The following RAD51B variants were observed in gnomAD, a reference collection of about 807,000 sequenced individuals.
RAD51B encodes DNA repair protein RAD51 homolog 2.
A neutral mutation model predicts 42.2 loss-of-function variants in RAD51B; 38 were observed. That is an observed-to-expected ratio of 0.90 (90% CI 0.70 to 1.18). RAD51B has a LOEUF of 1.18. RAD51B is among the 50% of genes most tolerant of loss of function. RAD51B has a pLI of 0.00. For missense variants in RAD51B, 373 were observed against 400.7 expected, an observed-to-expected ratio of 0.93 and a Z score of 0.59; for synonymous variants, 154 against 145.2, an observed-to-expected ratio of 1.06 and a Z score of -0.43.
chr14:68,505,995 C>G (rs1791123021), intron 10 of RAD51B, among the ~76,000 whole-genome samples: 2 of 152,154 alleles, frequency 1.3e-5, no homozygotes. Flanking sequence ...GCCAAAATCC[C>G]TAGAGGGATA....
At chr14:68,441,212 A>G (rs1220794967) in intron 9 of RAD51B, among the ~76,000 whole-genome samples, 1 of 152,198 alleles carries the variant, frequency 6.6e-6, no homozygotes, top group African/African-American at 2.4e-5. Flanking sequence ...CAGAAATAAC[A>G]TGAGAAGACC....
At chr14:68,572,689 C>T (rs1036724654) in intron 10 of RAD51B, among the ~76,000 whole-genome samples, 2 of 152,150 alleles carry the variant, frequency 1.3e-5, no homozygotes, top group Non-Finnish European at 2.9e-5. Flanking sequence ...CTTGTCCCGA[C>T]CTCCCAGTGG....
At chr14:67,982,916 T>G (rs1268775796) in intron 7 of RAD51B, among the ~76,000 whole-genome samples, 2 of 151,916 alleles carry the variant, frequency 1.3e-5, no homozygotes, top group African/African-American at 4.8e-5. Context: ...ATTTAAAAAA[T>G]TAGCCAGGCA....
intron 7 of RAD51B, among the ~76,000 whole-genome samples, chr14:68,161,351 G>T (rs1296970705): frequency 6.6e-6 from 1 of 152,146 alleles, no homozygotes; most frequent in East Asian, 1.9e-4. Flanking sequence ...TACTAGCTTA[G>T]CAACCTTAGT....
At chr14:67,995,544 T>G (rs887764704) in intron 7 of RAD51B, among the ~76,000 whole-genome samples, 7 of 152,070 alleles carry the variant, frequency 4.6e-5, no homozygotes, top group African/African-American at 1.7e-4. Flanking sequence ...AATATGGATG[T>G]CAACCCATAC....
chr14:68,558,731 C>A (rs1341250923), intron 10 of RAD51B, among the ~76,000 whole-genome samples: 2 of 152,128 alleles, frequency 1.3e-5, no homozygotes, highest in Non-Finnish European at 2.9e-5. Context: ...GAGGGCCCAC[C>A]CTACTCCAGA....
At chr14:67,986,393 A>G (rs1566557599) in intron 7 of RAD51B, among the ~76,000 whole-genome samples, 2 of 152,208 alleles carry the variant, frequency 1.3e-5, no homozygotes, top group South Asian at 4.1e-4. Flanking sequence ...TGAATCTTGA[A>G]GGAAATTGGA....
rs1350219455 is a variant in RAD51B at position 68,541,745 on chromosome 14, A to G, written c.1037-52740A>G. The G allele has an allele frequency of 4.1e-6, 4 of 985,308 alleles. 1 individual carries two copies. Among genetic ancestry groups the G allele is most frequent in the Non-Finnish European group, 4.8e-6 (4 of 829,890 alleles). 61.0% of individuals were successfully genotyped at this position (985,308 alleles called of 1,614,324 possible). On this transcript the variant is annotated intron_variant, in intron 10 of 10. Coordinates refer to the RAD51B transcript ENST00000487270. ...AGTGGAATTTGTAGTAACAGCTGTT[A>G]GTATTTAAAACTTTTGTTTCAAGAT...
chr14:67,979,631 G>A (rs562349324), intron 7 of RAD51B, among the ~76,000 whole-genome samples: 24 of 152,148 alleles, frequency 1.6e-4, no homozygotes, highest in South Asian at 4.1e-4. Context: ...AGGAGTCTTC[G>A]TAGTAATCCC....
chr14:67,946,356 TTTG>T (rs573559598), intron 7 of RAD51B, among the ~76,000 whole-genome samples: 10 of 151,834 alleles, frequency 6.6e-5, no homozygotes, highest in South Asian at 4.2e-4. Flanking sequence ...GTTCCTCTTT[TTTG>T]TTGTTGTTGT....
intron 10 of RAD51B, chr14:68,470,602 A>G (rs2086098576): frequency 3.9e-6 from 2 of 509,010 alleles, no homozygotes; most frequent in East Asian, 4.3e-5. Context: ...AGTGAAATTG[A>G]TGAATCACAA....
chr14:67,889,585 C>T lies in RAD51B; in HGVS notation c.756+2381C>T, dbSNP rs189507439. On this transcript the variant is annotated intron_variant, in intron 7 of 10. Transcript: ENST00000471583. ...TAAAATGTGATTATTCAGCTTTTCCCCCCCTTTCTCTATTTGAACTAGTAC... is the reference window on the plus strand; with the variant it reads ...TAAAATGTGATTATTCAGCTTTTCCTCCCCTTTCTCTATTTGAACTAGTAC... Among the ~76,000 whole-genome samples the T allele has an allele frequency of 3.6e-3, 522 of 146,384 alleles. 1 individual carries two copies. The highest frequency in any genetic ancestry group is 6.0e-3 in the Non-Finnish European group (398 of 66,842).
chr14:68,069,264 G>A (rs1367187613), intron 7 of RAD51B, among the ~76,000 whole-genome samples: 5 of 152,070 alleles, frequency 3.3e-5, no homozygotes, highest in Non-Finnish European at 7.4e-5. Context: ...GGTTTTTGTT[G>A]TTGGTTTTTT....
At chr14:68,466,969 T>C (rs1471634684) in intron 9 of RAD51B, among the ~76,000 whole-genome samples, 1 of 152,222 alleles carries the variant, frequency 6.6e-6, no homozygotes, top group African/African-American at 2.4e-5. Context: ...ATTTGTTGAA[T>C]TAAGATAGGC....
At chr14:68,399,262 T>G (rs1258633872) in intron 8 of RAD51B, among the ~76,000 whole-genome samples, 2 of 150,218 alleles carry the variant, frequency 1.3e-5, no homozygotes, top group African/African-American at 4.9e-5. Context: ...TTTTTGTGTT[T>G]TTTTTTTTTT....
chr14:68,388,092 A>ATG (rs1192424963), intron 8 of RAD51B, among the ~76,000 whole-genome samples: 5 of 135,518 alleles, frequency 3.7e-5, no homozygotes, highest in Admixed American at 7.1e-5. Flanking sequence ...ATATATATAT[A>ATG]TATTTTTTTT....
Position 68,515,443 on chromosome 14 carries a change from C to CTTT in RAD51B, c.1036+47211_1036+47213dup, listed in dbSNP as rs59782915. Among the ~76,000 whole-genome samples the CTTT allele has an allele frequency of 3.4e-3, 180 of 52,720 alleles. 2 individuals are homozygous for CTTT. Among genetic ancestry groups the CTTT allele is most frequent in the South Asian group, 7.3e-3 (13 of 1,776 alleles). The allele number at this position is 52,720 out of a possible 152,430, so 34.6% of individuals were successfully genotyped here. On this transcript the variant is annotated intron_variant, in intron 10 of 10. Coordinates refer to the RAD51B transcript ENST00000487270. ...CTTTTCTTCCTTTCTTCTTCTTCTTCTTTTTTTTTTTTTTTTTTTTAGAGA... is the reference window on the plus strand; with the variant it reads ...CTTTTCTTCCTTTCTTCTTCTTCTTCTTTTTTTTTTTTTTTTTTTTTTTAGAGA...
chr14:68,582,043 A>G (rs1288335008), intron 10 of RAD51B, among the ~76,000 whole-genome samples: 1 of 152,244 alleles, frequency 6.6e-6, no homozygotes, highest in East Asian at 1.9e-4. Context: ...AACATCTAAA[A>G]CCATAAAAAC....
chr14:68,510,844 T>TA (rs1457661131), intron 10 of RAD51B, among the ~76,000 whole-genome samples: 7 of 152,236 alleles, frequency 4.6e-5, no homozygotes, highest in Admixed American at 2.6e-4. Flanking sequence ...AGAAAAGGGA[T>TA]AAAAAAGCCC....
Sources: allele counts gnomAD v4.1 joint callset (sites outside exome capture counted in the v4.1 genomes callset), GRCh38; gene constraint gnomAD v4.1.1; transcripts MANE v1.5; gene names NCBI Gene and HGNC (gene_info 2026-07-23, HGNC 2026-07-21).